The following SYN3 variants were observed in gnomAD, a reference collection of about 807,000 sequenced individuals.
SYN3 encodes synapsin-3.
In SYN3, 35 loss-of-function variants were observed where a neutral mutation model predicts 65.8. That is an observed-to-expected ratio of 0.53 (90% CI 0.41 to 0.70). The LOEUF is 0.70. Ranked by LOEUF, SYN3 falls within the 30% of genes least tolerant of loss-of-function variation. The pLI is 0.00. For synonymous variants in SYN3, 270 were observed against 292.9 expected, an observed-to-expected ratio of 0.92 and a Z score of 0.80; for missense variants, 680 against 749.0, an observed-to-expected ratio of 0.91 and a Z score of 1.08.
intron 4 of SYN3, among the ~76,000 whole-genome samples, chr22:32,923,710 G>T (rs189322741): frequency 5.3e-5 from 8 of 152,224 alleles, no homozygotes; most frequent in African/African-American, 1.4e-4. Flanking sequence ...TTTTATTTTA[G>T]GTTCAGGGTT....
intron 6 of SYN3, among the ~76,000 whole-genome samples, chr22:32,630,057 C>T (rs1229792013): frequency 3.3e-5 from 5 of 150,846 alleles, no homozygotes; most frequent in Non-Finnish European, 7.4e-5. Flanking sequence ...GATCTCGGCT[C>T]ACTGCAACCT....
intron 7 of SYN3, among the ~76,000 whole-genome samples, chr22:32,545,841 G>A (rs1210549638): frequency 6.6e-6 from 1 of 152,222 alleles, no homozygotes; most frequent in Admixed American, 6.5e-5. Flanking sequence ...GATTACAGGC[G>A]TGAGCCCGGG....
At chr22:32,785,432 C>T (rs2145852002) in intron 6 of SYN3, among the ~76,000 whole-genome samples, 1 of 152,262 alleles carries the variant, frequency 6.6e-6, no homozygotes, top group East Asian at 1.9e-4. Context: ...TTCTCTGAAC[C>T]TCAGTCTCCT....
chr22:32,840,583 T>C (rs1038225947), intron 6 of SYN3, among the ~76,000 whole-genome samples: 18 of 151,924 alleles, frequency 1.2e-4, no homozygotes, highest in Admixed American at 1.1e-3. Context: ...GGCTCTGGCT[T>C]TGCTCAGAGC....
intron 3 of SYN3, among the ~76,000 whole-genome samples, chr22:32,956,081 G>A (rs1322249875): frequency 8.4e-6 from 1 of 119,062 alleles, no homozygotes; most frequent in East Asian, 2.0e-4. Context: ...TATTAGTTCT[G>A]TCCCTGTAGA....
intron 6 of SYN3, among the ~76,000 whole-genome samples, chr22:32,793,720 G>A (rs2046369970): frequency 6.6e-6 from 1 of 152,236 alleles, no homozygotes; most frequent in African/African-American, 2.4e-5. Flanking sequence ...TGAGGCAAAT[G>A]GAGAATGTCA....
At chr22:32,911,061 A>C (rs1954816673) in intron 4 of SYN3, among the ~76,000 whole-genome samples, 1 of 152,188 alleles carries the variant, frequency 6.6e-6, no homozygotes, top group South Asian at 2.1e-4. Flanking sequence ...ACACAGACAT[A>C]GGGTCATAGC....
intron 4 of SYN3, among the ~76,000 whole-genome samples, chr22:32,893,503 G>C (rs181948319): frequency 1.3e-5 from 2 of 152,304 alleles, no homozygotes; most frequent in East Asian, 1.9e-4. Flanking sequence ...CCCTTCAGTA[G>C]AGTCTTAAAA....
intron 12 of SYN3, among the ~76,000 whole-genome samples, chr22:32,526,094 T>G (rs143444916): frequency 1.3e-5 from 2 of 152,298 alleles, no homozygotes; most frequent in South Asian, 4.1e-4. Context: ...ATCATTAAGG[T>G]ATGTACTTTG....
intron 4 of SYN3, among the ~76,000 whole-genome samples, chr22:32,883,113 C>A (rs1331647838): frequency 6.6e-6 from 1 of 152,140 alleles, no homozygotes; most frequent in Non-Finnish European, 1.5e-5. Context: ...AATTATGAAA[C>A]TAAAGGGAGC....
At chr22:32,611,536 C>T (rs2059445891) in intron 6 of SYN3, among the ~76,000 whole-genome samples, 1 of 151,954 alleles carries the variant, frequency 6.6e-6, no homozygotes, top group South Asian at 2.1e-4. Context: ...TCGTGATCTG[C>T]CCGCCTCGGC....
intron 6 of SYN3, among the ~76,000 whole-genome samples, chr22:32,607,014 C>T (rs973940495): frequency 6.6e-6 from 1 of 151,032 alleles, no homozygotes; most frequent in Non-Finnish European, 1.5e-5. Flanking sequence ...CCCCGCCTCC[C>T]CCCACCCCAC....
intron 6 of SYN3, among the ~76,000 whole-genome samples, chr22:32,745,841 G>T (rs537457202): frequency 3.9e-5 from 6 of 152,302 alleles, no homozygotes; most frequent in Admixed American, 2.6e-4. Context: ...AGAGAGCGAG[G>T]AGGACAGAGG....
chr22:32,908,141 A>G (rs2049952734), intron 4 of SYN3, among the ~76,000 whole-genome samples: 1 of 151,352 alleles, frequency 6.6e-6, no homozygotes, highest in Admixed American at 6.6e-5. Context: ...GCTGGAGTGC[A>G]GTGGCATGAT....
At chr22:32,574,900 A>G (rs958177049) in intron 7 of SYN3, among the ~76,000 whole-genome samples, 1 of 152,232 alleles carries the variant, frequency 6.6e-6, no homozygotes, top group Non-Finnish European at 1.5e-5. Context: ...TACCCTCCAA[A>G]ATAATAAGCA....
chr22:32,677,665 G>A (rs1229734858), intron 6 of SYN3, among the ~76,000 whole-genome samples: 1 of 152,076 alleles, frequency 6.6e-6, no homozygotes, highest in African/African-American at 2.4e-5. Flanking sequence ...GCCGGTCGTG[G>A]TGGCGGGCGC....
At chr22:32,690,719 G>A (rs1268980050) in intron 6 of SYN3, among the ~76,000 whole-genome samples, 2 of 152,224 alleles carry the variant, frequency 1.3e-5, no homozygotes, top group African/African-American at 4.8e-5. Context: ...AGGAAGAAAG[G>A]CTGATCAGGT....
chr22:32,949,432 T>C (rs2051219027), intron 3 of SYN3, among the ~76,000 whole-genome samples: 2 of 151,944 alleles, frequency 1.3e-5, no homozygotes, highest in Admixed American at 6.6e-5. Flanking sequence ...AAAAAAAGTT[T>C]TGGGTTTTGG....
intron 1 of SYN3, among the ~76,000 whole-genome samples, chr22:33,016,462 A>G (rs1329910601): frequency 6.6e-6 from 1 of 152,224 alleles, no homozygotes; most frequent in Non-Finnish European, 1.5e-5. Context: ...GATAAAAGGA[A>G]ATAAATAATG....
Sources: gnomAD v4.1 joint callset for allele counts (sites outside exome capture counted in the v4.1 genomes callset) on GRCh38, gnomAD v4.1.1 for gene constraint, MANE v1.5 for transcripts, NCBI Gene and HGNC (gene_info 2026-07-23, HGNC 2026-07-21) for gene names.